Variants in EXOC4 observed in about 807,000 individuals in gnomAD.
The protein encoded by EXOC4 is SEC8-like 1.
A neutral mutation model predicts 107.2 loss-of-function variants in EXOC4; 71 were observed. That is an observed-to-expected ratio of 0.66 (90% CI 0.55 to 0.81). The LOEUF (loss-of-function observed/expected upper bound fraction) is 0.81, where lower values mean the gene tolerates loss of function less well. EXOC4 is among the 30% of genes least tolerant of loss of function. EXOC4 has a pLI of 0.00. For missense variants in EXOC4, 1,108 were observed against 1,189.6 expected (o/e 0.93, Z 1.01); for synonymous variants, 456 against 441.2 (o/e 1.03, Z -0.42).
intron 10 of EXOC4, among the ~76,000 whole-genome samples, chr7:133,644,478 A>C (rs984811016): frequency 1.3e-5 from 2 of 152,212 alleles, no homozygotes; most frequent in African/African-American, 4.8e-5. Context: ...TAAAGTATAT[A>C]ATAGCATTAA....
chr7:133,406,439 C>T (rs570594559), intron 7 of EXOC4, among the ~76,000 whole-genome samples: 8 of 152,186 alleles, frequency 5.3e-5, no homozygotes, highest in South Asian at 4.1e-4. Flanking sequence ...ATTACTATTG[C>T]GCCTCTGACA....
chr7:133,613,133 ATAT>A (rs1802110579), intron 9 of EXOC4, among the ~76,000 whole-genome samples: 1 of 152,210 alleles, frequency 6.6e-6, no homozygotes. Flanking sequence ...CTATATATTG[ATAT>A]TAGTCTATTT....
intron 9 of EXOC4, among the ~76,000 whole-genome samples, chr7:133,626,431 G>A (rs559475644): frequency 4.6e-5 from 7 of 152,246 alleles, no homozygotes; most frequent in African/African-American, 1.7e-4. Flanking sequence ...TATTGGTAAT[G>A]TAGTAAGAAA....
At position 133,596,930 on chromosome 7, in the gene EXOC4, A is replaced by G. The variant is rs1801688515; in HGVS notation, c.1418-33115A>G. On this transcript the variant is annotated intron_variant, in intron 9 of 17. Coordinates refer to ENST00000253861, the MANE Select transcript of EXOC4 (RefSeq NM_021807.4). ...CGGGTCGGCCTCCCATGAAGCATCC[A>G]GCTATCCAGAAGAATACAATCAGGG... Among the ~76,000 whole-genome samples the G allele has an allele frequency of 2.0e-5, 3 of 152,180 alleles. No homozygotes were observed. In the South Asian group the frequency reaches 6.2e-4, roughly 32 times the overall value.
chr7:134,052,651 T>C (rs190182924), intron 17 of EXOC4, among the ~76,000 whole-genome samples: 1 of 152,344 alleles, frequency 6.6e-6, no homozygotes, highest in East Asian at 1.9e-4. Flanking sequence ...AGGTGTTCTA[T>C]CATATCATTT....
intron 9 of EXOC4, among the ~76,000 whole-genome samples, chr7:133,511,254 GTAGT>G (rs1036213854): frequency 6.6e-6 from 1 of 152,124 alleles, no homozygotes; most frequent in Non-Finnish European, 1.5e-5. Flanking sequence ...GAAATCTCAA[GTAGT>G]TAGATTGGGG....
At chr7:133,854,408 G>GCACACA (rs56849407) in intron 11 of EXOC4, among the ~76,000 whole-genome samples, 5,085 of 139,484 alleles carry the variant, frequency 0.036, 118 homozygotes, top group Admixed American at 0.077. Context: ...TGTTGAAAGA[G>GCACACA]CACACACACA....
At chr7:133,612,948 G>T (rs1317913778) in intron 9 of EXOC4, among the ~76,000 whole-genome samples, 2 of 152,026 alleles carry the variant, frequency 1.3e-5, no homozygotes, top group Non-Finnish European at 2.9e-5. Context: ...TGTGTAGTTG[G>T]CCCAGAACAA....
At chr7:133,274,140 C>T (rs371440727) in intron 1 of EXOC4, among the ~76,000 whole-genome samples, 3 of 152,176 alleles carry the variant, frequency 2.0e-5, no homozygotes, top group African/African-American at 7.2e-5. Context: ...TCATATCAAT[C>T]TTGTTAGTGC....
chr7:133,878,746 C>T (rs115475935), intron 11 of EXOC4, among the ~76,000 whole-genome samples: 2,355 of 152,156 alleles, frequency 0.015, 56 homozygotes, highest in African/African-American at 0.053. Flanking sequence ...GTTTTTGAGA[C>T]GAAGTCTTGC....
chr7:133,272,299 G>T (rs1242591115), intron 1 of EXOC4, among the ~76,000 whole-genome samples: 1 of 152,170 alleles, frequency 6.6e-6, no homozygotes, highest in Non-Finnish European at 1.5e-5. Flanking sequence ...TAGCTGTTAG[G>T]AGTGCAATCT....
chr7:133,951,668 T>G (rs1585272821), intron 14 of EXOC4, among the ~76,000 whole-genome samples: 1 of 152,224 alleles, frequency 6.6e-6, no homozygotes, highest in Non-Finnish European at 1.5e-5. Flanking sequence ...CTTTGCTGTA[T>G]TGCATTTGAA....
At chr7:133,744,347 A>C (rs1281878403) in intron 10 of EXOC4, among the ~76,000 whole-genome samples, 2 of 152,130 alleles carry the variant, frequency 1.3e-5, no homozygotes, top group Non-Finnish European at 2.9e-5. Context: ...TAAGTTTGTT[A>C]ATCAAAAGTG....
At chr7:133,792,553 CAA>C (rs56408972) in intron 10 of EXOC4, among the ~76,000 whole-genome samples, 1 of 73,576 alleles carries the variant, frequency 1.4e-5, no homozygotes, top group Non-Finnish European at 2.4e-5. Context: ...ACCCTGTCTC[CAA>C]AAAAAAAAAA....
chr7:133,691,975 GGA>G lies in EXOC4; in HGVS notation c.1514+61839_1514+61840del, dbSNP rs1794430742. ...ATGGCTGATGTTTCAGTCTGCTGTT[GGA>G]GAGACCATCTCATCTCTGATGGGAG... On this transcript the variant is annotated intron_variant, in intron 10 of 17. Transcript: ENST00000253861. Among the ~76,000 whole-genome samples the G allele has an allele frequency of 1.1e-4, 17 of 152,206 alleles. No homozygotes were observed. In the South Asian group the frequency reaches 3.5e-3, roughly 32 times the overall value.
chr7:133,903,647 G>A (rs114180190), intron 12 of EXOC4, among the ~76,000 whole-genome samples: 2 of 152,146 alleles, frequency 1.3e-5, no homozygotes, highest in Admixed American at 6.5e-5. Context: ...TTAGCCATGT[G>A]GGGGAGGGAG....
chr7:133,622,709 CTTTA>C (rs995562539), intron 9 of EXOC4, among the ~76,000 whole-genome samples: 1 of 152,030 alleles, frequency 6.6e-6, no homozygotes, highest in Non-Finnish European at 1.5e-5. Context: ...TAACCAGCTG[CTTTA>C]TTTAGAGTTG....
intron 17 of EXOC4, among the ~76,000 whole-genome samples, chr7:134,049,671 T>A (rs1795735829): frequency 6.6e-6 from 1 of 152,206 alleles, no homozygotes; most frequent in Admixed American, 6.5e-5. Flanking sequence ...CACATTGCTA[T>A]AAGTACATAC....
chr7:133,538,343 T>A (rs931802754), intron 9 of EXOC4, among the ~76,000 whole-genome samples: 4 of 152,210 alleles, frequency 2.6e-5, no homozygotes, highest in Admixed American at 6.5e-5. Flanking sequence ...TATTTGCTGT[T>A]AAATGGTTTC....
Sources: gnomAD v4.1 joint callset for allele counts (sites outside exome capture counted in the v4.1 genomes callset) on GRCh38, gnomAD v4.1.1 for gene constraint, MANE v1.5 for transcripts, NCBI Gene and HGNC (gene_info 2026-07-23, HGNC 2026-07-21) for gene names.